Variants in FRAS1 observed in about 807,000 individuals in gnomAD.
The protein encoded by FRAS1 is extracellular matrix organizing protein FRAS1.
In FRAS1, 290 loss-of-function variants were observed where a neutral mutation model predicts 435.2. The observed-to-expected ratio is 0.67, with a 90% CI of 0.61 to 0.73. The LOEUF is 0.73. FRAS1 is among the 30% of genes least tolerant of loss of function. The probability of loss-of-function intolerance (pLI) is 0.00; values close to 1 mark genes in which losing one functional copy is unlikely to be tolerated. For missense variants in FRAS1, 4,860 were observed against 5,001.5 expected (o/e 0.97, Z 0.85); for synonymous variants, 1,800 against 1,851.0 (o/e 0.97, Z 0.71).
At chr4:78,469,783 T>C (rs2109850105) in intron 50 of FRAS1, among the ~76,000 whole-genome samples, 195 bp from the exon 51 acceptor site, 1 of 152,284 alleles carries the variant, frequency 6.6e-6, no homozygotes, top group South Asian at 2.1e-4. Flanking sequence ...CTTCCTACAT[T>C]GTTCTCACTC....
chr4:78,388,902 ATTTAC>A (rs926114879), intron 29 of FRAS1, among the ~76,000 whole-genome samples: 4 of 152,118 alleles, frequency 2.6e-5, no homozygotes, highest in African/African-American at 9.7e-5. Context: ...CTGTACTATT[ATTTAC>A]TTAATATTTT....
chr4:78,283,636 G>A (rs1039490583), intron 12 of FRAS1, among the ~76,000 whole-genome samples: 13 of 152,078 alleles, frequency 8.5e-5, no homozygotes, highest in African/African-American at 3.1e-4. Flanking sequence ...TCATTCATGG[G>A]CCATAATTTT....
chr4:78,539,343 T>C lies in FRAS1; in HGVS notation c.11348T>C (p.Phe3783Ser), dbSNP rs778095894. The C allele has an allele frequency of 6.2e-7, 1 of 1,613,480 alleles. No homozygotes were observed. The highest frequency in any genetic ancestry group is 8.5e-7 in the Non-Finnish European group (1 of 1,179,654). Residue 3783 changes from phenylalanine (F) to serine (S), a missense_variant, in exon 73 of 74, where the codon TTT becomes TCT. Phe to Ser is a radical substitution (Grantham distance 155). Transcript: ENST00000512123. ...GATAAGTACTTCCATGATGTGCCTTTTGAGGCTCACTTTGCCTCTGAGTTG... is the reference window on the plus strand; with the variant it reads ...GATAAGTACTTCCATGATGTGCCTTCTGAGGCTCACTTTGCCTCTGAGTTG... The part of the protein sequence containing the change: ...VTDKYFHDVP[F>S]EAHFASELPD...
chr4:78,240,304 G>C (rs1273659426), intron 3 of FRAS1, among the ~76,000 whole-genome samples: 2 of 152,204 alleles, frequency 1.3e-5, no homozygotes, highest in Admixed American at 6.5e-5. Flanking sequence ...GAGGCTGAGA[G>C]AATCACCCAG....
chr4:78,534,206 A>G (rs78391776), intron 70 of FRAS1, among the ~76,000 whole-genome samples: 112 of 152,348 alleles, frequency 7.4e-4, no homozygotes, highest in African/African-American at 2.6e-3. Context: ...AAAAAAGCAA[A>G]GAATACCAAA....
intron 15 of FRAS1, among the ~76,000 whole-genome samples, chr4:78,308,705 A>T (rs986214670): frequency 6.6e-6 from 1 of 152,240 alleles, no homozygotes; most frequent in Non-Finnish European, 1.5e-5. Flanking sequence ...ATGAGAGTTA[A>T]CCCAGCTTAG....
intron 2 of FRAS1, among the ~76,000 whole-genome samples, chr4:78,066,766 C>T (rs1740060454): frequency 6.6e-6 from 1 of 152,184 alleles, no homozygotes; most frequent in Non-Finnish European, 1.5e-5. Flanking sequence ...TGCTCATTTA[C>T]ATCACAACCT....
At chr4:78,487,912 T>A (rs1052338618) in intron 58 of FRAS1, among the ~76,000 whole-genome samples, 1 of 152,222 alleles carries the variant, frequency 6.6e-6, no homozygotes, top group Non-Finnish European at 1.5e-5. Flanking sequence ...GTCTGTTTCC[T>A]CCTAAGTCCT....
intron 2 of FRAS1, among the ~76,000 whole-genome samples, chr4:78,187,526 A>G (rs908602648): frequency 1.3e-5 from 2 of 152,190 alleles, no homozygotes; most frequent in Non-Finnish European, 2.9e-5. Flanking sequence ...CATAGCTAAA[A>G]TTAAGACTAT....
chr4:78,195,869 G>T (rs183155024), intron 2 of FRAS1, among the ~76,000 whole-genome samples: 1 of 151,580 alleles, frequency 6.6e-6, no homozygotes, highest in African/African-American at 2.4e-5. Flanking sequence ...CATCACTCAC[G>T]CTGGGAACTG....
At chr4:78,213,607 G>A (rs13141398) in intron 2 of FRAS1, among the ~76,000 whole-genome samples, 3 of 151,962 alleles carry the variant, frequency 2.0e-5, no homozygotes, top group Non-Finnish European at 4.4e-5. Context: ...TTATTAAAAT[G>A]TATAACAGAT....
chr4:78,285,649 C>G (rs1578228758), intron 13 of FRAS1, among the ~76,000 whole-genome samples: 1 of 152,106 alleles, frequency 6.6e-6, no homozygotes, highest in South Asian at 2.1e-4. Context: ...CCAGGCTGGT[C>G]TCAAACTCCT....
chr4:78,094,897 G>T (rs72860604), intron 2 of FRAS1, among the ~76,000 whole-genome samples: 9,150 of 152,076 alleles, frequency 0.06, 738 homozygotes, highest in African/African-American at 0.18. Flanking sequence ...TAATAATGGT[G>T]CTTAACTCAT....
intron 18 of FRAS1, among the ~76,000 whole-genome samples, chr4:78,331,757 T>A (rs906027275): frequency 6.6e-6 from 1 of 152,232 alleles, no homozygotes; most frequent in Non-Finnish European, 1.5e-5. Context: ...TTTGTCTTAC[T>A]CATTATTGTA....
intron 61 of FRAS1, among the ~76,000 whole-genome samples, chr4:78,501,313 T>C (rs1010042160): frequency 6.6e-6 from 1 of 152,236 alleles, no homozygotes; most frequent in Non-Finnish European, 1.5e-5. Context: ...TTTTTATGGC[T>C]ACATAGCATT....
chr4:78,428,985 T>A (rs1734103921), intron 35 of FRAS1, 110 bp from the exon 36 acceptor site: 3 of 1,130,418 alleles, frequency 2.7e-6, no homozygotes, highest in Admixed American at 4.5e-5. Context: ...GCTACATATT[T>A]GTGGAAACTG....
intron 18 of FRAS1, among the ~76,000 whole-genome samples, chr4:78,320,881 T>C (rs1729476210): frequency 6.6e-6 from 1 of 151,994 alleles, no homozygotes; most frequent in Admixed American, 6.6e-5. Context: ...AGGTTGAAAG[T>C]GGAGGAGCTA....
In FRAS1 at chr4:78,421,969, C is replaced by T; in HGVS notation, c.4647C>T (p.His1549=). ...VMYRPPPAAP[H]LQELMAFSFA... is the part of the protein sequence containing the mutation. ...ACCGCCCTCCCCCGGCAGCACCCCA[C>T]CTCCAGGAGCTCATGGCCTTCTCGT... The change falls in exon 34 of 74, where the codon CAC becomes CAT. Residue 1549 remains histidine, a synonymous_variant. Transcript: ENST00000512123. 3 of 1,613,388 alleles carry T rather than the reference C, an allele frequency of 1.9e-6. No homozygotes were observed. Among genetic ancestry groups the T allele is most frequent in the Non-Finnish European group, 1.7e-6 (2 of 1,179,570 alleles).
intron 2 of FRAS1, among the ~76,000 whole-genome samples, chr4:78,194,132 G>A (rs1212756706): frequency 7.2e-5 from 11 of 152,168 alleles, no homozygotes; most frequent in Admixed American, 2.0e-4. Flanking sequence ...AGTTTCTGCC[G>A]AGAGATCAGC....
Sources: allele counts gnomAD v4.1 joint callset (sites outside exome capture counted in the v4.1 genomes callset), GRCh38; gene constraint gnomAD v4.1.1; transcripts MANE v1.5; gene names NCBI Gene and HGNC (gene_info 2026-07-23, HGNC 2026-07-21).